Variants in NALF1 observed in about 807,000 individuals in gnomAD.
NALF1 encodes NALCN channel auxiliary factor 1.
Under a neutral mutation model 48.4 loss-of-function variants are expected in NALF1, and 3 were observed. The ratio of observed to expected loss-of-function variants is 0.06; its 90% CI spans 0.03 to 0.16. NALF1 has a LOEUF of 0.16. Among genes scored for constraint, NALF1 ranks in the 10% least tolerant of loss-of-function variants. The probability of loss-of-function intolerance (pLI) is 1.00; values close to 1 mark genes in which losing one functional copy is unlikely to be tolerated. For missense variants in NALF1, 526 were observed against 571.5 expected (o/e 0.92, Z 0.81); for synonymous variants, 262 against 245.7 (o/e 1.07, Z -0.62).
At chr13:107,225,913 G>A (rs913211395) in intron 1 of NALF1, among the ~76,000 whole-genome samples, 3 of 151,984 alleles carry the variant, frequency 2.0e-5, no homozygotes, top group Admixed American at 6.6e-5. Flanking sequence ...AACACCTTCT[G>A]CTTGTTTCCC....
chr13:107,673,299 C>T (rs1301060611), intron 1 of NALF1, among the ~76,000 whole-genome samples: 1 of 152,130 alleles, frequency 6.6e-6, no homozygotes, highest in Non-Finnish European at 1.5e-5. Context: ...AAATAAACAA[C>T]CACAAAATAG....
intron 1 of NALF1, among the ~76,000 whole-genome samples, chr13:107,594,439 T>A (rs1435004216): frequency 1.3e-5 from 2 of 151,968 alleles, no homozygotes; most frequent in African/African-American, 4.8e-5. Context: ...TTCCCTCTTA[T>A]CTTCTCTCTT....
intron 1 of NALF1, among the ~76,000 whole-genome samples, chr13:107,798,884 A>G (rs374649630): frequency 2.5e-3 from 383 of 152,356 alleles, no homozygotes; most frequent in African/African-American, 8.8e-3. Flanking sequence ...CAAAATAGAA[A>G]TAACAGTAAA....
chr13:107,845,685 G>T (rs762274353), intron 1 of NALF1, among the ~76,000 whole-genome samples: 11 of 151,984 alleles, frequency 7.2e-5, no homozygotes, highest in Non-Finnish European at 1.3e-4. Context: ...TAACCCCTAG[G>T]CTTTTTGGGA....
At chr13:107,738,531 CAAAG>C (rs959529525) in intron 1 of NALF1, among the ~76,000 whole-genome samples, 16 of 152,038 alleles carry the variant, frequency 1.1e-4, no homozygotes, top group African/African-American at 3.9e-4. Context: ...TGAGAATAAA[CAAAG>C]AAATAACTAC....
rs201872485 is a variant in NALF1 at position 107,810,011 on chromosome 13, T to C, written c.915+55671A>G. Among the ~76,000 whole-genome samples, 71 of 152,226 alleles carry C rather than the reference T, an allele frequency of 4.7e-4. 1 individual carries two copies. The East Asian group carries it at 0.012, about 25-fold the overall frequency. ...CTATTTTACCACTTTTTCCCCTTGA[T>C]TTATGCATATCCTAGGACCGCATCA... On this transcript the variant is annotated intron_variant, in intron 1 of 2. Transcript: ENST00000375915.
At chr13:107,810,212 C>G (rs1033578982) in intron 1 of NALF1, among the ~76,000 whole-genome samples, 1 of 152,080 alleles carries the variant, frequency 6.6e-6, no homozygotes, top group Non-Finnish European at 1.5e-5. Context: ...AATGGAAAAC[C>G]CATACTCTAC....
intron 2 of NALF1, among the ~76,000 whole-genome samples, chr13:107,192,410 T>A (rs1343466369): frequency 6.6e-6 from 1 of 152,148 alleles, no homozygotes; most frequent in Non-Finnish European, 1.5e-5. Flanking sequence ...CCTGACCAGC[T>A]AGTGAGACTC....
chr13:107,219,550 T>C (rs1184309316), intron 1 of NALF1, among the ~76,000 whole-genome samples: 1 of 152,170 alleles, frequency 6.6e-6, no homozygotes, highest in Non-Finnish European at 1.5e-5. Context: ...TCACCAAGGA[T>C]AGGAGAAGAG....
chr13:107,641,754 AC>A, intron 1 of NALF1, among the ~76,000 whole-genome samples: 1 of 152,220 alleles, frequency 6.6e-6, no homozygotes, highest in Middle Eastern at 3.4e-3. Flanking sequence ...AGGCCTCACA[AC>A]CTGAACCGTG....
chr13:107,543,417 G>A (rs1030621802), intron 1 of NALF1, among the ~76,000 whole-genome samples: 18 of 151,870 alleles, frequency 1.2e-4, no homozygotes, highest in African/African-American at 4.3e-4. Flanking sequence ...AAGGATCCAC[G>A]TCTGTCCTGT....
At position 107,325,887 on chromosome 13, in the gene NALF1, T is replaced by TATATACACAC. The variant is rs752320518; in HGVS notation, c.916-115133_916-115132insGTGTGTATAT. On this transcript the variant is annotated intron_variant, in intron 1 of 2. Transcript: ENST00000375915. ...ATATATATATATATATATATATATA[T>TATATACACAC]ACACACACACACACACACACATATA... 8.2e-4 allele frequency among the ~76,000 whole-genome samples: 48 copies of TATATACACAC among 58,882 alleles called. 1 individual carries two copies. Among genetic ancestry groups the TATATACACAC allele is most frequent in the African/African-American group, 1.0e-3 (19 of 19,038 alleles). The allele number at this position is 58,882 out of a possible 152,430, so 38.6% of individuals were successfully genotyped here. A position where few individuals can be genotyped will look rare whatever the true frequency, so the allele number is the denominator to read the frequency against.
intron 1 of NALF1, among the ~76,000 whole-genome samples, chr13:107,785,114 G>GTA (rs750026970): frequency 9.3e-5 from 14 of 151,196 alleles, no homozygotes; most frequent in South Asian, 4.2e-4. Flanking sequence ...GTATGTATAT[G>GTA]TATATATATA....
At chr13:107,624,900 G>C (rs1175938650) in intron 1 of NALF1, among the ~76,000 whole-genome samples, 1 of 152,192 alleles carries the variant, frequency 6.6e-6, no homozygotes, top group Non-Finnish European at 1.5e-5. Flanking sequence ...ACACTAGGTT[G>C]TATTTTTCCA....
At chr13:107,804,582 C>A (rs1878718404) in intron 1 of NALF1, among the ~76,000 whole-genome samples, 1 of 152,154 alleles carries the variant, frequency 6.6e-6, no homozygotes, top group Admixed American at 6.5e-5. Flanking sequence ...TCACCAAGAC[C>A]CAGCATGCAG....
intron 1 of NALF1, among the ~76,000 whole-genome samples, chr13:107,343,268 T>TG (rs1218488553): frequency 1.3e-5 from 2 of 152,250 alleles, no homozygotes; most frequent in East Asian, 3.9e-4. Flanking sequence ...AGCACACACT[T>TG]GCACAACTGA....
At chr13:107,279,043 C>CTTTTTTTT (rs200133690) in intron 1 of NALF1, among the ~76,000 whole-genome samples, 3 of 122,940 alleles carry the variant, frequency 2.4e-5, no homozygotes, top group Non-Finnish European at 3.3e-5. Context: ...TTCTTTTCTT[C>CTTTTTTTT]TTTTTTTTTT....
intron 1 of NALF1, among the ~76,000 whole-genome samples, chr13:107,547,792 A>G (rs1382957424): frequency 6.6e-6 from 1 of 152,158 alleles, no homozygotes; most frequent in Non-Finnish European, 1.5e-5. Flanking sequence ...ATTGAAATGT[A>G]TTCATATAGT....
At chr13:107,619,551 CG>C (rs1396265514) in intron 1 of NALF1, among the ~76,000 whole-genome samples, 1 of 152,138 alleles carries the variant, frequency 6.6e-6, no homozygotes, top group African/African-American at 2.4e-5. Context: ...AATTTTAACA[CG>C]TTGCATTTTT....
Sources: gnomAD v4.1 joint callset for allele counts (sites outside exome capture counted in the v4.1 genomes callset) on GRCh38, gnomAD v4.1.1 for gene constraint, MANE v1.5 for transcripts, NCBI Gene and HGNC (gene_info 2026-07-23, HGNC 2026-07-21) for gene names.